The following LAMA1 variants were observed in gnomAD, a reference collection of about 807,000 sequenced individuals.
LAMA1 encodes laminin subunit alpha-1.
Under a neutral mutation model 348.7 loss-of-function variants are expected in LAMA1, and 219 were observed. The observed-to-expected ratio is 0.63, with a 90% CI of 0.56 to 0.70. LAMA1 has a LOEUF of 0.70. Among genes scored for constraint, LAMA1 ranks in the 30% least tolerant of loss-of-function variants. The probability of loss-of-function intolerance (pLI) is 0.00; values close to 1 mark genes in which losing one functional copy is unlikely to be tolerated. For missense variants in LAMA1, 3,744 were observed against 3,888.0 expected (o/e 0.96, Z 0.99); for synonymous variants, 1,487 against 1,491.0 (o/e 1.00, Z 0.06).
Position 6,962,008 on chromosome 18 carries a change from T to C in LAMA1, c.7389A>G (p.Ile2463Met). ...TGAGTAAGTCAAAGGTTGATCTGGATATTTCCAGGTTCTTGATGCAGCCCA... is the reference window on the plus strand; with the variant it reads ...TGAGTAAGTCAAAGGTTGATCTGGACATTTCCAGGTTCTTGATGCAGCCCA... Reference protein sequence around the residue: ...SFVGCIKNLEISRSTFDLLRN... With the variant: ...SFVGCIKNLEMSRSTFDLLRN... Residue 2463 changes from isoleucine (I) to methionine (M), a missense_variant, in exon 52 of 63, where the codon ATA (isoleucine) becomes ATG (methionine). Ile to Met is a conservative substitution (Grantham distance 10). This residue lies in a region of LAMA1 where 1,983 missense variants were observed against 1,934.3 expected (regional missense o/e 1.03). Transcript: ENST00000389658. The C allele has an allele frequency of 6.2e-7, 1 of 1,614,238 alleles. No homozygotes were observed. The highest frequency in any genetic ancestry group is 8.5e-7 in the Non-Finnish European group (1 of 1,180,044).
chr18:6,952,740 T>C (rs2057552574), intron 57 of LAMA1, among the ~76,000 whole-genome samples: 1 of 152,244 alleles, frequency 6.6e-6, no homozygotes, highest in Non-Finnish European at 1.5e-5. Flanking sequence ...CCTGTCTGTG[T>C]CCAGTGGATT....
chr18:7,094,375 G>C (rs551900238), intron 1 of LAMA1, among the ~76,000 whole-genome samples: 6 of 138,064 alleles, frequency 4.3e-5, no homozygotes, highest in African/African-American at 1.6e-4. Flanking sequence ...AGTGAGCCTA[G>C]ATTATTGCGC....
chr18:6,995,219 G>A, intron 34 of LAMA1, 138 bp downstream of exon 34: 1 of 717,714 alleles, frequency 1.4e-6, no homozygotes, highest in Admixed American at 2.1e-5. Context: ...TGATGATTAA[G>A]TACCTGGAGC....
chr18:6,993,674 T>C lies in LAMA1; in HGVS notation c.4975A>G (p.Ile1659Val), dbSNP rs62081533. 316,746 of 1,612,164 alleles carry C rather than the reference T, an allele frequency of 0.2. 33,260 individuals are homozygous for C. The highest frequency in any genetic ancestry group is 0.22 in the Non-Finnish European group (258,274 of 1,178,216). ...RIFKESQDLA[I>V]AIERLQMSIT... The stretch of plus-strand genomic sequence containing the variant: ...CTCATCTGCAGCCTCTCAATGGCTA[T>C]GGCCAGGTCTTGACTCTCCTTGAAG... The change falls in exon 35 of 63, where the codon ATA becomes GTA. Residue 1659 changes from isoleucine to valine, a missense_variant. Transcript: ENST00000389658.
At position 6,983,086 on chromosome 18, in the gene LAMA1, C is replaced by A. The variant is rs763175540; in HGVS notation, c.5796+13G>T. The A allele has an allele frequency of 6.8e-6, 11 of 1,613,898 alleles. No homozygotes were observed. The highest frequency in any genetic ancestry group is 9.3e-6 in the Non-Finnish European group (11 of 1,179,950). On this transcript the variant is annotated intron_variant, in intron 40 of 62. Transcript: ENST00000389658. ...CCACAGAGCCCAGAAAAAGAAGCCA[C>A]GTCGTTTCCTACCAGGCTCGTCTCA...
chr18:7,090,199 CACTACTAAATGA>C (rs1340900774), intron 1 of LAMA1, among the ~76,000 whole-genome samples: 7 of 152,110 alleles, frequency 4.6e-5, no homozygotes, highest in Admixed American at 2.6e-4. Context: ...TATTTTAAAC[CACTACTAAATGA>C]ACTCATTTTG....
At position 7,049,144 on chromosome 18, in the gene LAMA1, G is replaced by A. The variant is rs780320270; in HGVS notation, c.702C>T (p.Leu234=). 4 of 1,613,948 alleles carry A rather than the reference G, an allele frequency of 2.5e-6. No homozygotes were observed. The highest frequency in any genetic ancestry group is 3.4e-6 in the Non-Finnish European group (4 of 1,179,860). The change falls in exon 5 of 63, where the codon CTC becomes CTT. Residue 234 remains leucine (L), a synonymous_variant. Transcript: ENST00000389658. ...IRLRLQRIRT[L]NADLMTLSHR... Reference sequence around the variant, plus strand: ...GGCTAAGGGTCATGAGATCTGCATTGAGCGTTCTAATGCGTTGCAAGCGAA... The same window carrying A: ...GGCTAAGGGTCATGAGATCTGCATTAAGCGTTCTAATGCGTTGCAAGCGAA...
chr18:6,987,104 G>T lies in LAMA1; in HGVS notation c.5169-757C>A, dbSNP rs1600374287. On this transcript the variant is annotated intron_variant, in intron 36 of 62. Coordinates refer to ENST00000389658, the MANE Select transcript of LAMA1 (RefSeq NM_005559.4). The stretch of plus-strand genomic sequence containing the variant: ...CAGCAGCTCTGATGATTTTATAAAT[G>T]ATGAAGCTCATTAAATCCCACCTCC... Among the ~76,000 whole-genome samples the T allele has an allele frequency of 9.8e-5, 15 of 152,306 alleles. No individual in the cohort carries two copies. The South Asian group carries it at 3.1e-3, about 32-fold the overall frequency.
At position 7,036,004 on chromosome 18, in the gene LAMA1, C is replaced by T. The variant is rs1165068138; in HGVS notation, c.1822G>A (p.Ala608Thr). ...ETVDSNLMSHADVIIKGNGLT... is the reference protein window; with the variant it reads ...ETVDSNLMSHTDVIIKGNGLT... ...ACAATCACCTTAATGATGACGTCAG[C>T]ATGCGACATGAGGTTACTGTCTACC... The change falls in exon 13 of 63, where the codon GCT becomes ACT. Residue 608 changes from alanine to threonine, a missense_variant. Ala to Thr is a moderately conservative substitution (Grantham distance 58). This residue lies in a region of LAMA1 where 1,529 missense variants were observed against 1,689.4 expected (regional missense o/e 0.91). Transcript: ENST00000389658. The T allele has an allele frequency of 1.2e-6, 2 of 1,613,902 alleles. No individual in the cohort carries two copies. The highest frequency in any genetic ancestry group is 1.7e-6 in the Non-Finnish European group (2 of 1,179,740).
intron 58 of LAMA1, 31 bp downstream of exon 58, chr18:6,950,751 A>G (rs557691338): frequency 6.2e-7 from 1 of 1,612,544 alleles, no homozygotes; most frequent in South Asian, 1.1e-5. Context: ...AGAACTCAGA[A>G]GCAGCCACCA....
Position 7,017,292 on chromosome 18 carries a change from A to G in LAMA1, c.2794T>C (p.Cys932Arg), listed in dbSNP as rs767217815. 13 of 1,612,806 alleles carry G rather than the reference A, an allele frequency of 8.1e-6. No individual in the cohort carries two copies. The Admixed American group carries it at 1.3e-4, about 17-fold the overall frequency. ...DCKPNVTGQQCDQCLHGYYGL... is the reference protein window; with the variant it reads ...DCKPNVTGQQRDQCLHGYYGL... ...ATGCATCTTACCAAGCACTGGTCACACTGCTGTCCAGTCACGTTTGGTTTG... is the reference window on the plus strand; with the variant it reads ...ATGCATCTTACCAAGCACTGGTCACGCTGCTGTCCAGTCACGTTTGGTTTG... The change falls in exon 20 of 63, where the codon TGT becomes CGT. Residue 932 changes from cysteine to arginine, a missense_variant. Coordinates refer to ENST00000389658, the MANE Select transcript of LAMA1 (RefSeq NM_005559.4).
intron 38 of LAMA1, 54 bp downstream of exon 38, chr18:6,985,473 A>G (rs2057730439): frequency 1.9e-6 from 3 of 1,606,770 alleles, no homozygotes; most frequent in Non-Finnish European, 2.6e-6. Flanking sequence ...TATAGAAAAG[A>G]TGTGTGAAGA....
At chr18:7,031,680 C>CAAATAAATAAATAAATAAATAAATAAAT (rs35755639) in intron 16 of LAMA1, among the ~76,000 whole-genome samples, 2,577 of 146,634 alleles carry the variant, frequency 0.018, 111 homozygotes, top group African/African-American at 0.063. Context: ...GACCCTGTCT[C>CAAATAAATAAATAAATAAATAAATAAAT]AAATAAATAA....
chr18:6,955,967 C>A, intron 56 of LAMA1: 1 of 314,262 alleles, frequency 3.2e-6, no homozygotes, highest in Non-Finnish European at 6.2e-6. Flanking sequence ...CGGGAAGGGC[C>A]CCTGAACCCC....
chr18:6,960,324 G>A (rs1344184012), intron 53 of LAMA1: 1 of 152,170 alleles, frequency 6.6e-6, no homozygotes, highest in Non-Finnish European at 1.5e-5. Context: ...ATATACAGTG[G>A]AATATTACTC....
intron 19 of LAMA1, among the ~76,000 whole-genome samples, chr18:7,022,629 G>T (rs2057922985): frequency 6.6e-6 from 1 of 152,298 alleles, no homozygotes. Flanking sequence ...TGCTGTGCAG[G>T]AGAATCTAGT....
rs192484878 is a variant in LAMA1 at position 7,073,758 on chromosome 18, C to T, written c.345+6217G>A. ...TTGAGTCCCTACTTTAAATTCTTTA[C>T]GGCATTCCCTAGTAGTGGAATTGCT... is the stretch of plus-strand genomic sequence containing the variant. On this transcript the variant is annotated intron_variant, in intron 3 of 62. Coordinates refer to ENST00000389658, the MANE Select transcript of LAMA1 (RefSeq NM_005559.4). Among the ~76,000 whole-genome samples, 30 of 152,064 alleles carry T rather than the reference C, an allele frequency of 2.0e-4. No individual in the cohort carries two copies. The East Asian group carries it at 4.1e-3, about 21-fold the overall frequency.
At chr18:7,097,071 A>T (rs1380855461) in intron 1 of LAMA1, among the ~76,000 whole-genome samples, 1 of 152,158 alleles carries the variant, frequency 6.6e-6, no homozygotes, top group African/African-American at 2.4e-5. Context: ...AAAAGTAGTG[A>T]ACTTGGTAGA....
chr18:7,088,126 T>C (rs780019106), intron 1 of LAMA1, among the ~76,000 whole-genome samples: 1 of 152,168 alleles, frequency 6.6e-6, no homozygotes, highest in African/African-American at 2.4e-5. Context: ...CAGAAAAATG[T>C]GCACAGTGAG....
Sources: gnomAD v4.1 joint callset for allele counts (sites outside exome capture counted in the v4.1 genomes callset) on GRCh38, gnomAD v4.1.1 for gene constraint, gnomAD v4.1.1 regional missense constraint, MANE v1.5 for transcripts, NCBI Gene and HGNC (gene_info 2026-07-23, HGNC 2026-07-21) for gene names.